OPN5: variants seen among roughly 807,000 people sequenced by gnomAD.
OPN5 encodes the protein opsin 5.
In OPN5, 18 loss-of-function variants were observed where a neutral mutation model predicts 41.7. The ratio of observed to expected loss-of-function variants is 0.43; its 90% CI spans 0.30 to 0.64. The LOEUF is 0.64. OPN5 is among the 30% of genes least tolerant of loss of function. The pLI is 0.13. For synonymous variants in OPN5, 178 were observed against 164.3 expected, an observed-to-expected ratio of 1.08 and a Z score of -0.64; for missense variants, 318 against 434.5, an observed-to-expected ratio of 0.73 and a Z score of 2.38.
At position 47,804,240 on chromosome 6, in the gene OPN5, TG is replaced by T. The variant is rs140392307; in HGVS notation, c.757-3913del. On this transcript the variant is annotated intron_variant, in intron 4 of 6. Coordinates refer to ENST00000371211, the Ensembl canonical transcript of OPN5. ...CCTGTGAATTTCCGCCCACAAAAAT[TG>T]TCTAATTTAGGATTTGAAGTCTTAC... Among the ~76,000 whole-genome samples the T allele has an allele frequency of 8.1e-4, 124 of 152,218 alleles. 1 individual carries two copies. Among genetic ancestry groups the T allele is most frequent in the African/African-American group, 2.9e-3 (119 of 41,548 alleles).
chr6:47,817,154 T>C (rs934686477), intron 6 of OPN5, among the ~76,000 whole-genome samples: 10 of 152,126 alleles, frequency 6.6e-5, no homozygotes, highest in Admixed American at 1.3e-4. Context: ...AATAGAGATT[T>C]ACTCCACTCC....
chr6:47,795,803 C>G (rs972725086), intron 4 of OPN5, among the ~76,000 whole-genome samples: 12 of 151,780 alleles, frequency 7.9e-5, no homozygotes, highest in Non-Finnish European at 8.8e-5. Context: ...CACACACACA[C>G]ACACACACAT....
At chr6:47,788,853 A>G (rs1369853929) in intron 2 of OPN5, among the ~76,000 whole-genome samples, 1 of 149,062 alleles carries the variant, frequency 6.7e-6, no homozygotes, top group Non-Finnish European at 1.5e-5. Flanking sequence ...GCCTGAACTC[A>G]CTCCAGATAA....
intron 6 of OPN5, chr6:47,823,560 A>G (rs995163796): frequency 5.0e-6 from 1 of 201,914 alleles, no homozygotes; most frequent in Non-Finnish European, 1.0e-5. Flanking sequence ...CTGGCAAAAA[A>G]AAAGTCTTAA....
At chr6:47,792,490 A>AT (rs200463159) in intron 3 of OPN5, among the ~76,000 whole-genome samples, 12 of 151,578 alleles carry the variant, frequency 7.9e-5, no homozygotes, top group South Asian at 2.1e-4. Context: ...CACTCAACAT[A>AT]TTTTTTTTTG....
chr6:47,793,057 A>G (rs189628754), intron 3 of OPN5, among the ~76,000 whole-genome samples: 1 of 151,684 alleles, frequency 6.6e-6, no homozygotes, highest in Admixed American at 6.6e-5. Flanking sequence ...AGCTTGAATC[A>G]AAATTTCCAG....
At chr6:47,813,557 A>T (rs956723617) in intron 6 of OPN5, among the ~76,000 whole-genome samples, 6 of 152,010 alleles carry the variant, frequency 3.9e-5, no homozygotes, top group Admixed American at 3.3e-4. Context: ...TGTTATATGG[A>T]TTTTACCATG....
intron 5 of OPN5, among the ~76,000 whole-genome samples, chr6:47,810,463 C>A (rs368855879): frequency 1.8e-4 from 27 of 147,182 alleles, no homozygotes; most frequent in African/African-American, 7.4e-4. Context: ...GTCTGCAGAG[C>A]AAGGTTAAGT....
downstream of OPN5, chr6:47,825,896 T>C (rs1212172664): frequency 1.3e-5 from 2 of 152,116 alleles, no homozygotes; most frequent in Admixed American, 1.3e-4. Context: ...AAGAGCTTCA[T>C]TGCCAAGTTA....
chr6:47,806,635 A>G (rs1385216666), intron 4 of OPN5, among the ~76,000 whole-genome samples: 1 of 152,204 alleles, frequency 6.6e-6, no homozygotes, highest in Non-Finnish European at 1.5e-5. Flanking sequence ...TTTCCTGCTC[A>G]AAAACCTACT....
At chr6:47,794,338 T>G (rs570829446) in intron 3 of OPN5, among the ~76,000 whole-genome samples, 1 of 152,354 alleles carries the variant, frequency 6.6e-6, no homozygotes, top group South Asian at 2.1e-4. Context: ...AGAGTCACTT[T>G]CCTGGCCCTC....
At chr6:47,813,107 C>A (rs1318871090) in intron 6 of OPN5, among the ~76,000 whole-genome samples, 17 of 111,818 alleles carry the variant, frequency 1.5e-4, no homozygotes, top group Admixed American at 5.0e-4. Context: ...ACAACAACAA[C>A]AACAACAAGC....
At chr6:47,809,575 A>G (rs1386126291) in intron 5 of OPN5, among the ~76,000 whole-genome samples, 1 of 152,218 alleles carries the variant, frequency 6.6e-6, no homozygotes, top group African/African-American at 2.4e-5. Context: ...ATAGCTCTAT[A>G]TCTTTGAACA....
At chr6:47,815,184 C>G (rs777882771) in intron 6 of OPN5, among the ~76,000 whole-genome samples, 1 of 152,076 alleles carries the variant, frequency 6.6e-6, no homozygotes. Context: ...ACAGTAAAAT[C>G]CAAGTTTTTG....
intron 3 of OPN5, 108 bp from the exon 4 acceptor site, chr6:47,795,121 C>G: frequency 2.2e-6 from 2 of 919,092 alleles, no homozygotes; most frequent in Non-Finnish European, 3.2e-6. Flanking sequence ...CCCAGGTCTC[C>G]CAGAAATCAA....
At chr6:47,819,031 G>A (rs1762514244) in intron 6 of OPN5, among the ~76,000 whole-genome samples, 1 of 152,038 alleles carries the variant, frequency 6.6e-6, no homozygotes, top group African/African-American at 2.4e-5. Flanking sequence ...GCTGAGGACT[G>A]TGTGGGCAGA....
intron 2 of OPN5, among the ~76,000 whole-genome samples, chr6:47,789,672 C>T (rs375969875): frequency 2.0e-5 from 3 of 152,130 alleles, no homozygotes; most frequent in East Asian, 1.9e-4. Flanking sequence ...CTAGAGGAGA[C>T]GTGTGTCTAG....
intron 6 of OPN5, among the ~76,000 whole-genome samples, chr6:47,812,078 A>G (rs1451394255): frequency 1.3e-5 from 2 of 152,124 alleles, no homozygotes; most frequent in Non-Finnish European, 2.9e-5. Context: ...CATCATTGTC[A>G]TTATTGTTTC....
At chr6:47,811,270 T>G (rs750343844) in intron 5 of OPN5, among the ~76,000 whole-genome samples, 1 of 152,178 alleles carries the variant, frequency 6.6e-6, no homozygotes, top group Non-Finnish European at 1.5e-5. Context: ...AGAACAAAGC[T>G]GCAAACTCTG....
Sources: allele counts gnomAD v4.1 joint callset (sites outside exome capture counted in the v4.1 genomes callset), GRCh38; gene constraint gnomAD v4.1.1; transcripts MANE v1.5; gene names NCBI Gene and HGNC (gene_info 2026-07-23, HGNC 2026-07-21).